The following SLC24A4 variants were observed in gnomAD, a reference collection of about 807,000 sequenced individuals.
SLC24A4 encodes sodium/potassium/calcium exchanger 4.
Under a neutral mutation model 79.0 loss-of-function variants are expected in SLC24A4, and 53 were observed. The observed-to-expected ratio is 0.67, with a 90% confidence interval of 0.54 to 0.84. SLC24A4 has a LOEUF of 0.84. SLC24A4 is among the 40% of genes least tolerant of loss of function. The probability of loss-of-function intolerance (pLI) is 0.00; values close to 1 mark genes in which losing one functional copy is unlikely to be tolerated. For synonymous variants in SLC24A4, 323 were observed against 323.8 expected, an observed-to-expected ratio of 1.00 and a Z score of 0.03; for missense variants, 731 against 822.0, an observed-to-expected ratio of 0.89 and a Z score of 1.35.
At chr14:92,400,483 A>C (rs1319599776) in intron 2 of SLC24A4, among the ~76,000 whole-genome samples, 1 of 151,104 alleles carries the variant, frequency 6.6e-6, no homozygotes. Flanking sequence ...ATACATACAC[A>C]CAGCCGGAGT....
At position 92,496,161 on chromosome 14, in the gene SLC24A4, A is replaced by T. The variant is rs1356769081; in HGVS notation, c.*2533A>T. ...CTAAAATAATGTTTTTTAATATGTA[A>T]TATGCTCCTCTTGGCTAATTTTCTT... On this transcript the variant is annotated 3_prime_UTR_variant, in exon 17 of 17. Coordinates refer to ENST00000532405, the MANE Select transcript of SLC24A4 (RefSeq NM_153646.4). The T allele has an allele frequency of 6.6e-6, 1 of 152,638 alleles. No individual in the cohort carries two copies. The highest frequency in any genetic ancestry group is 1.5e-5 in the Non-Finnish European group (1 of 68,032). 9.5% of individuals were successfully genotyped at this position (152,638 alleles called of 1,614,324 possible). A position where few individuals can be genotyped will look rare whatever the true frequency, so the allele number is the denominator to read the frequency against.
intron 7 of SLC24A4, among the ~76,000 whole-genome samples, chr14:92,444,932 TACACACACACACACACACACACAC>T (rs10548937): frequency 7.0e-6 from 1 of 142,842 alleles, no homozygotes; most frequent in Non-Finnish European, 1.6e-5. Flanking sequence ...TACACACACA[TACACACACACACACACACACACAC>T]ACACACACAC....
chr14:92,465,421 T>C (rs1486472239), intron 12 of SLC24A4, among the ~76,000 whole-genome samples: 1 of 152,188 alleles, frequency 6.6e-6, no homozygotes, highest in Non-Finnish European at 1.5e-5. Flanking sequence ...GAGCTGGTGC[T>C]TCAACCCTGA....
At chr14:92,480,436 G>T (rs1833848541) in intron 12 of SLC24A4, among the ~76,000 whole-genome samples, 1 of 148,730 alleles carries the variant, frequency 6.7e-6, no homozygotes, top group Non-Finnish European at 1.5e-5. Context: ...TGGGACTACA[G>T]GCGCCCGCCA....
intron 2 of SLC24A4, among the ~76,000 whole-genome samples, chr14:92,402,252 A>G (rs1890154765): frequency 6.6e-6 from 1 of 152,184 alleles, no homozygotes; most frequent in East Asian, 1.9e-4. Flanking sequence ...TTGAGTGCTA[A>G]GTGGGATTAC....
At chr14:92,477,709 C>T (rs1294520025) in intron 12 of SLC24A4, among the ~76,000 whole-genome samples, 1 of 152,132 alleles carries the variant, frequency 6.6e-6, no homozygotes, top group Non-Finnish European at 1.5e-5. Context: ...CCCACCTTGG[C>T]CTCCCAAAGT....
At chr14:92,330,143 G>A (rs569837192) in intron 2 of SLC24A4, among the ~76,000 whole-genome samples, 98 of 45,578 alleles carry the variant, frequency 2.2e-3, no homozygotes, top group Admixed American at 4.2e-3. Flanking sequence ...TGTCAGGAAT[G>A]CAGAGTCTCA....
At chr14:92,364,836 C>G (rs547160078) in intron 2 of SLC24A4, among the ~76,000 whole-genome samples, 22 of 152,360 alleles carry the variant, frequency 1.4e-4, no homozygotes, top group Admixed American at 6.5e-4. Context: ...GAATCTCAAG[C>G]ATGTCTGGCA....
chr14:92,374,950 A>G (rs1888418688), intron 2 of SLC24A4, among the ~76,000 whole-genome samples: 1 of 152,208 alleles, frequency 6.6e-6, no homozygotes, highest in Non-Finnish European at 1.5e-5. Flanking sequence ...TAAAGAGGCC[A>G]TTTTTTCATT....
chr14:92,428,328 C>T (rs112868291), intron 2 of SLC24A4, among the ~76,000 whole-genome samples: 138 of 152,278 alleles, frequency 9.1e-4, no homozygotes, highest in African/African-American at 3.2e-3. Flanking sequence ...ATGCAGAACC[C>T]TAGCTGCAAG....
intron 12 of SLC24A4, among the ~76,000 whole-genome samples, chr14:92,458,002 A>G (rs752831866): frequency 5.3e-5 from 8 of 152,272 alleles, no homozygotes; most frequent in Admixed American, 2.0e-4. Context: ...TGCAGGTTTC[A>G]TTTAGGATCA....
At chr14:92,432,028 C>T (rs1285325093) in intron 2 of SLC24A4, among the ~76,000 whole-genome samples, 1 of 152,210 alleles carries the variant, frequency 6.6e-6, no homozygotes, top group Non-Finnish European at 1.5e-5. Flanking sequence ...GTTGATGGCT[C>T]TAGTGCCTGC....
chr14:92,474,863 A>ATATATATATATTTT (rs36185636), intron 12 of SLC24A4, among the ~76,000 whole-genome samples: 9 of 57,120 alleles, frequency 1.6e-4, no homozygotes, highest in African/African-American at 4.5e-4. Flanking sequence ...ATATATATAT[A>ATATATATATATTTT]TTTTTTTTTT....
intron 2 of SLC24A4, among the ~76,000 whole-genome samples, chr14:92,340,467 A>G (rs1359526730): frequency 6.6e-6 from 1 of 152,226 alleles, no homozygotes; most frequent in Non-Finnish European, 1.5e-5. Flanking sequence ...TGATTGCAGT[A>G]ATAGGGTGGT....
intron 6 of SLC24A4, among the ~76,000 whole-genome samples, chr14:92,443,064 A>G (rs1240129113): frequency 1.3e-5 from 2 of 152,174 alleles, no homozygotes; most frequent in Non-Finnish European, 2.9e-5. Context: ...AGGCGGGCTC[A>G]TGAGTGAGGC....
At chr14:92,394,219 T>C (rs1889646693) in intron 2 of SLC24A4, among the ~76,000 whole-genome samples, 1 of 152,160 alleles carries the variant, frequency 6.6e-6, no homozygotes. Context: ...TTTGTTTTTA[T>C]CATTTTTTTC....
chr14:92,347,803 T>C (rs549806185), intron 2 of SLC24A4, among the ~76,000 whole-genome samples: 1 of 152,118 alleles, frequency 6.6e-6, no homozygotes. Context: ...GGTGGGCATC[T>C]GTAATCCCAG....
intron 2 of SLC24A4, among the ~76,000 whole-genome samples, chr14:92,401,478 T>C (rs531989455): frequency 2.6e-5 from 4 of 152,268 alleles, no homozygotes; most frequent in African/African-American, 9.6e-5. Context: ...TAGTACATCA[T>C]GATAATGGCC....
intron 2 of SLC24A4, among the ~76,000 whole-genome samples, chr14:92,429,154 A>C (rs1452276804): frequency 6.6e-6 from 1 of 152,098 alleles, no homozygotes; most frequent in Non-Finnish European, 1.5e-5. Flanking sequence ...GTCTCGGTGC[A>C]TTCAGGCTCC....
Sources: gnomAD v4.1 joint callset for allele counts (sites outside exome capture counted in the v4.1 genomes callset) on GRCh38, gnomAD v4.1.1 for gene constraint, MANE v1.5 for transcripts, NCBI Gene and HGNC (gene_info 2026-07-23, HGNC 2026-07-21) for gene names.